The following NDST4 variants were observed in gnomAD, a reference collection of about 807,000 sequenced individuals.
NDST4 encodes the protein N-heparan sulfate sulfotransferase 4.
A neutral mutation model predicts 100.8 loss-of-function variants in NDST4; 63 were observed. The ratio of observed to expected loss-of-function variants is 0.62; its 90% CI spans 0.51 to 0.77. NDST4 has a LOEUF of 0.77. Among genes scored for constraint, NDST4 ranks in the 30% least tolerant of loss-of-function variants. NDST4 has a pLI of 0.00. For synonymous variants in NDST4, 377 were observed against 361.8 expected, an observed-to-expected ratio of 1.04 and a Z score of -0.48; for missense variants, 943 against 1,018.4, an observed-to-expected ratio of 0.93 and a Z score of 1.01.
intron 2 of NDST4, among the ~76,000 whole-genome samples, chr4:115,047,941 A>G (rs1476225640): frequency 6.6e-6 from 1 of 152,160 alleles, no homozygotes; most frequent in Admixed American, 6.6e-5. Flanking sequence ...TTTAAAATGT[A>G]TGAGGTTAAA....
intron 2 of NDST4, among the ~76,000 whole-genome samples, chr4:115,070,764 A>G (rs1198616308): frequency 6.6e-6 from 1 of 152,176 alleles, no homozygotes; most frequent in Non-Finnish European, 1.5e-5. Flanking sequence ...GCTTAGGCCA[A>G]TTATATCTAA....
At chr4:115,040,110 A>G (rs1449668420) in intron 2 of NDST4, among the ~76,000 whole-genome samples, 1 of 151,788 alleles carries the variant, frequency 6.6e-6, no homozygotes, top group Non-Finnish European at 1.5e-5. Context: ...AAAACGGAGG[A>G]CATAGATAAA....
At chr4:114,918,151 T>C (rs1488068804) in intron 6 of NDST4, among the ~76,000 whole-genome samples, 6 of 151,972 alleles carry the variant, frequency 3.9e-5, no homozygotes, top group Non-Finnish European at 7.4e-5. Context: ...AAAATAAAAT[T>C]TTTCTTTAAG....
chr4:114,830,194 C>A (rs975286204), intron 12 of NDST4, among the ~76,000 whole-genome samples: 40 of 152,026 alleles, frequency 2.6e-4, no homozygotes, highest in African/African-American at 9.4e-4. Context: ...AGATCAAAGA[C>A]CAATAACTGA....
chr4:115,014,544 A>T lies in NDST4; in HGVS notation c.979-37270T>A, dbSNP rs79016584. Among the ~76,000 whole-genome samples, 347 of 152,168 alleles carry T rather than the reference A, an allele frequency of 2.3e-3. 1 individual carries two copies. The highest frequency in any genetic ancestry group is 8.0e-3 in the African/African-American group (334 of 41,542). ...CCAGCACATTGACTTAATGACTTGA[A>T]AATCTACTGGTTTTGAGATTTTTTA... On this transcript the variant is annotated intron_variant, in intron 2 of 13. Coordinates refer to ENST00000264363, the MANE Select transcript of NDST4 (RefSeq NM_022569.3).
At chr4:115,061,739 T>C (rs959609566) in intron 2 of NDST4, among the ~76,000 whole-genome samples, 4 of 152,026 alleles carry the variant, frequency 2.6e-5, no homozygotes, top group African/African-American at 9.7e-5. Flanking sequence ...TGTATAGCTG[T>C]GTAACAAACC....
chr4:115,011,954 A>C (rs1293353790), intron 2 of NDST4, among the ~76,000 whole-genome samples: 5 of 151,944 alleles, frequency 3.3e-5, no homozygotes, highest in Admixed American at 2.6e-4. Context: ...TTTTACAAAT[A>C]GGATACATGA....
At chr4:115,113,068 C>A (rs1729985709) in intron 1 of NDST4, among the ~76,000 whole-genome samples, 1 of 151,854 alleles carries the variant, frequency 6.6e-6, no homozygotes, top group Non-Finnish European at 1.5e-5. Context: ...ACATTTATAA[C>A]CCTACAGTTA....
At chr4:114,853,776 T>A (rs959965742) in intron 7 of NDST4, among the ~76,000 whole-genome samples, 25 of 152,218 alleles carry the variant, frequency 1.6e-4, no homozygotes, top group Non-Finnish European at 1.6e-4. Context: ...TGGTTCATAT[T>A]TCTGTACTTT....
chr4:114,969,292 T>A (rs1418194931), intron 4 of NDST4, among the ~76,000 whole-genome samples: 1 of 120,110 alleles, frequency 8.3e-6, no homozygotes, highest in African/African-American at 3.4e-5. Context: ...CCAGCCTGGG[T>A]GACAGAGCGA....
rs1022158867 is a variant in NDST4, at chr4:115,106,821, G to C, written c.-247+6623C>G. ...GGTTCTTACCGCCACCAATTTGGGAGAATGAGATATGGAGCCAGCTCCTCT... is the reference window on the plus strand; with the variant it reads ...GGTTCTTACCGCCACCAATTTGGGACAATGAGATATGGAGCCAGCTCCTCT... On this transcript the variant is annotated intron_variant, in intron 1 of 13. Transcript: ENST00000264363. 7.2e-5 allele frequency among the ~76,000 whole-genome samples: 11 copies of C among 152,204 alleles called. No homozygotes were observed. In the South Asian group the frequency reaches 1.0e-3, roughly 14 times the overall value.
intron 2 of NDST4, among the ~76,000 whole-genome samples, chr4:115,032,268 A>G (rs992278110): frequency 6.6e-6 from 1 of 152,094 alleles, no homozygotes; most frequent in Admixed American, 6.6e-5. Flanking sequence ...ACAATCCGAA[A>G]AACGGTAATA....
chr4:115,096,310 G>A (rs540343057), intron 1 of NDST4, among the ~76,000 whole-genome samples: 34 of 151,994 alleles, frequency 2.2e-4, no homozygotes, highest in African/African-American at 6.7e-4. Context: ...TTCATGATCA[G>A]TAGACCCAAA....
chr4:115,058,846 A>G (rs1035880096), intron 2 of NDST4, among the ~76,000 whole-genome samples: 5 of 152,110 alleles, frequency 3.3e-5, no homozygotes, highest in African/African-American at 1.2e-4. Context: ...GAGCAGTAAG[A>G]AAAGCTTAGC....
intron 2 of NDST4, among the ~76,000 whole-genome samples, chr4:115,028,885 G>C (rs181433413): frequency 6.6e-6 from 1 of 152,140 alleles, no homozygotes; most frequent in African/African-American, 2.4e-5. Flanking sequence ...TTTAATAAAC[G>C]GATGATTTAC....
chr4:114,950,746 C>T (rs1354906752), intron 4 of NDST4, among the ~76,000 whole-genome samples: 4 of 152,058 alleles, frequency 2.6e-5, no homozygotes, highest in African/African-American at 9.7e-5. Context: ...CTTTCTGCCT[C>T]ATTCCCACCT....
chr4:114,888,790 A>G lies in NDST4; in HGVS notation c.1537-17840T>C, dbSNP rs182775503. 2.7e-3 allele frequency among the ~76,000 whole-genome samples: 404 copies of G among 152,296 alleles called. 1 individual carries two copies. The highest frequency in any genetic ancestry group is 9.2e-3 in the African/African-American group (383 of 41,582). ...CAATGAGTAGCCCATGACTCTGGCCATAAGAAATACGGTATCAGCATTTCT... is the reference window on the plus strand; with the variant it reads ...CAATGAGTAGCCCATGACTCTGGCCGTAAGAAATACGGTATCAGCATTTCT... On this transcript the variant is annotated intron_variant, in intron 6 of 13. Coordinates refer to ENST00000264363, the MANE Select transcript of NDST4 (RefSeq NM_022569.3).
chr4:114,999,015 G>C (rs967836767), intron 2 of NDST4, among the ~76,000 whole-genome samples: 1 of 152,078 alleles, frequency 6.6e-6, no homozygotes, highest in African/African-American at 2.4e-5. Flanking sequence ...TCATGAAGAT[G>C]AGGTCAAGGT....
intron 1 of NDST4, among the ~76,000 whole-genome samples, chr4:115,090,400 G>C (rs567050459): frequency 6.6e-6 from 1 of 151,908 alleles, no homozygotes; most frequent in South Asian, 2.1e-4. Flanking sequence ...ATTTCCTAAA[G>C]TTGTAAAATA....
Sources: allele counts gnomAD v4.1 joint callset (sites outside exome capture counted in the v4.1 genomes callset), GRCh38; gene constraint gnomAD v4.1.1; transcripts MANE v1.5; gene names NCBI Gene and HGNC (gene_info 2026-07-23, HGNC 2026-07-21).